The following CDYL variants were observed in gnomAD, a reference collection of about 807,000 sequenced individuals.
CDYL encodes the protein chromodomain Y-like protein.
A neutral mutation model predicts 47.3 loss-of-function variants in CDYL; 8 were observed. That is an observed-to-expected ratio of 0.17 (90% CI 0.10 to 0.31). The LOEUF (loss-of-function observed/expected upper bound fraction) is 0.31. Among genes scored for constraint, CDYL ranks in the 10% least tolerant of loss-of-function variants. The probability of loss-of-function intolerance (pLI) is 1.00; values close to 1 mark genes in which losing one functional copy is unlikely to be tolerated. For synonymous variants in CDYL, 266 were observed against 265.0 expected (o/e 1.00, Z -0.04); for missense variants, 471 against 701.4 (o/e 0.67, Z 3.71).
intron 2 of CDYL, among the ~76,000 whole-genome samples, chr6:4,723,544 G>T (rs1757414718): frequency 6.6e-6 from 1 of 152,160 alleles, no homozygotes; most frequent in Admixed American, 6.5e-5. Flanking sequence ...ACCTGAAAAG[G>T]CAGAGGAGGC....
At chr6:4,752,150 A>C (rs544433371) in intron 3 of CDYL, among the ~76,000 whole-genome samples, 80 of 152,264 alleles carry the variant, frequency 5.3e-4, no homozygotes, top group African/African-American at 1.8e-3. Context: ...TGCCCACGTT[A>C]ATATTCGCAG....
chr6:4,925,474 C>T (rs972480637), intron 2 of CDYL, among the ~76,000 whole-genome samples: 5 of 141,690 alleles, frequency 3.5e-5, no homozygotes, highest in South Asian at 2.3e-4. Context: ...TGCAGTGGCA[C>T]GATCTCGGCT....
chr6:4,847,735 G>A (rs976063175), intron 1 of CDYL, among the ~76,000 whole-genome samples: 7 of 152,150 alleles, frequency 4.6e-5, no homozygotes, highest in African/African-American at 1.7e-4. Flanking sequence ...TTTAGAACGG[G>A]CAAAAATGCC....
intron 2 of CDYL, among the ~76,000 whole-genome samples, chr6:4,920,783 T>C (rs535385081): frequency 7.9e-5 from 12 of 152,126 alleles, no homozygotes; most frequent in Non-Finnish European, 1.6e-4. Flanking sequence ...ATGCAGCTAA[T>C]TTTTGCATTT....
At chr6:4,835,074 CAA>C (rs1011036326) in intron 1 of CDYL, among the ~76,000 whole-genome samples, 3 of 152,206 alleles carry the variant, frequency 2.0e-5, no homozygotes, top group South Asian at 4.1e-4. Flanking sequence ...CTCAACTCGT[CAA>C]AGTCATTCTC....
chr6:4,756,257 C>T (rs1361146058), intron 3 of CDYL, among the ~76,000 whole-genome samples: 25 of 152,146 alleles, frequency 1.6e-4, no homozygotes, highest in Admixed American at 1.6e-3. Context: ...CTTTCCCTGA[C>T]AGTCTAAGCT....
chr6:4,834,817 A>G (rs1760248955), intron 1 of CDYL, among the ~76,000 whole-genome samples: 1 of 151,146 alleles, frequency 6.6e-6, no homozygotes, highest in Non-Finnish European at 1.5e-5. Flanking sequence ...GCTTCATTTC[A>G]TTCATTTCAT....
At chr6:4,951,831 A>G (rs1424097024) in intron 5 of CDYL, among the ~76,000 whole-genome samples, 3 of 152,206 alleles carry the variant, frequency 2.0e-5, no homozygotes, top group Non-Finnish European at 2.9e-5. Context: ...CTAACTTTGC[A>G]TATGCTGATT....
intron 1 of CDYL, among the ~76,000 whole-genome samples, chr6:4,810,837 C>T (rs185765757): frequency 1.4e-4 from 21 of 152,308 alleles, no homozygotes; most frequent in Non-Finnish European, 1.0e-4. Context: ...GTGCCACTCT[C>T]CTATGTATGA....
intron 1 of CDYL, among the ~76,000 whole-genome samples, chr6:4,796,584 G>A (rs909738405): frequency 4.6e-5 from 7 of 152,124 alleles, no homozygotes; most frequent in Non-Finnish European, 7.4e-5. Context: ...GGCTTTAGAT[G>A]TATACAAATT....
intron 1 of CDYL, among the ~76,000 whole-genome samples, chr6:4,858,812 C>T (rs1471780371): frequency 1.3e-5 from 2 of 152,146 alleles, no homozygotes; most frequent in Non-Finnish European, 2.9e-5. Context: ...AACCTCTGTG[C>T]CCCAGTTCCT....
intron 1 of CDYL, among the ~76,000 whole-genome samples, chr6:4,879,307 T>A (rs1761700227): frequency 6.6e-6 from 1 of 152,224 alleles, no homozygotes; most frequent in South Asian, 2.1e-4. Flanking sequence ...ACTTTCTCCC[T>A]TAAGTTCTGT....
At chr6:4,939,314 G>T (rs1327686008) in intron 4 of CDYL, among the ~76,000 whole-genome samples, 1 of 152,050 alleles carries the variant, frequency 6.6e-6, no homozygotes, top group African/African-American at 2.4e-5. Context: ...TGTTGAGTCT[G>T]GGGTAGGCAG....
intron 3 of CDYL, among the ~76,000 whole-genome samples, chr6:4,748,970 C>T (rs1036009789): frequency 1.3e-5 from 2 of 152,212 alleles, no homozygotes; most frequent in African/African-American, 2.4e-5. Flanking sequence ...CAAGCTCCTT[C>T]GTTTCACACA....
intron 1 of CDYL, among the ~76,000 whole-genome samples, chr6:4,791,883 ATT>A (rs35580568): frequency 0.046 from 6,426 of 139,850 alleles, 463 homozygotes; most frequent in African/African-American, 0.16. Flanking sequence ...GAATTGTAGA[ATT>A]TTTTTTTTTT....
At chr6:4,732,265 A>T (rs1757618636) in intron 2 of CDYL, among the ~76,000 whole-genome samples, 2 of 150,508 alleles carry the variant, frequency 1.3e-5, no homozygotes, top group African/African-American at 2.5e-5. Context: ...AGCCCCAGAG[A>T]TTGCAAATGT....
At chr6:4,849,318 G>A (rs1292129096) in intron 1 of CDYL, among the ~76,000 whole-genome samples, 2 of 152,176 alleles carry the variant, frequency 1.3e-5, no homozygotes, top group Non-Finnish European at 2.9e-5. Context: ...ATGGAAAGCC[G>A]ATCATGAAAA....
At chr6:4,708,515 T>C (rs1757087888) in intron 1 of CDYL, among the ~76,000 whole-genome samples, 1 of 152,184 alleles carries the variant, frequency 6.6e-6, no homozygotes, top group Non-Finnish European at 1.5e-5. Flanking sequence ...CATTTCCAAA[T>C]GCAACTGTTA....
chr6:4,857,811 G>A (rs1259775760), intron 1 of CDYL, among the ~76,000 whole-genome samples: 1 of 152,144 alleles, frequency 6.6e-6, no homozygotes, highest in Non-Finnish European at 1.5e-5. Context: ...AACTTTACAG[G>A]GAATTATCTG....
Sources: allele counts gnomAD v4.1 joint callset (sites outside exome capture counted in the v4.1 genomes callset), GRCh38; gene constraint gnomAD v4.1.1; transcripts MANE v1.5; gene names NCBI Gene and HGNC (gene_info 2026-07-23, HGNC 2026-07-21).